Variants in KDM4B observed in about 807,000 individuals in gnomAD.
KDM4B encodes lysine-specific demethylase 4B.
In KDM4B, 32 loss-of-function variants were observed where a neutral mutation model predicts 125.2. The observed-to-expected ratio is 0.26, with a 90% CI of 0.19 to 0.34. KDM4B has a LOEUF of 0.34. KDM4B is among the 10% of genes least tolerant of loss of function. KDM4B has a pLI of 1.00. For missense variants in KDM4B, 1,190 were observed against 1,577.7 expected, an observed-to-expected ratio of 0.75 and a Z score of 4.16; for synonymous variants, 721 against 677.9, an observed-to-expected ratio of 1.06 and a Z score of -0.99.
chr19:4,982,613 TTC>T (rs1183672396), intron 1 of KDM4B, among the ~76,000 whole-genome samples: 1 of 148,204 alleles, frequency 6.7e-6, no homozygotes, highest in Non-Finnish European at 1.5e-5. Context: ...CTCTCTCTCT[TTC>T]TCTCTTTCTT....
intron 9 of KDM4B, among the ~76,000 whole-genome samples, chr19:5,108,484 G>C (rs536250734): frequency 2.8e-4 from 42 of 152,318 alleles, no homozygotes; most frequent in African/African-American, 1.0e-3. Flanking sequence ...ACTGGGTAAG[G>C]TGGGGGGAGG....
chr19:4,975,593 A>ATTTT lies in KDM4B; in HGVS notation c.-109+6377_-109+6380dup, dbSNP rs10674194. ...TGGACATTCCTTGTTGAGTGAATGA[A>ATTTT]TTTTTTTTTTTTTTTTTGAGACAGA... On this transcript the variant is annotated intron_variant, in intron 1 of 22. Coordinates refer to ENST00000159111, the MANE Select transcript of KDM4B (RefSeq NM_015015.3). Among the ~76,000 whole-genome samples the ATTTT allele has an allele frequency of 3.6e-3, 493 of 138,310 alleles. 6 individuals carry two copies. Among genetic ancestry groups the ATTTT allele is most frequent in the African/African-American group, 0.013 (477 of 37,102 alleles). The allele number at this position is 138,310 out of a possible 152,430, so 90.7% of individuals were successfully genotyped here.
At chr19:4,975,611 G>C (rs77921942) in intron 1 of KDM4B, among the ~76,000 whole-genome samples, 1 of 86,532 alleles carries the variant, frequency 1.2e-5, no homozygotes, top group African/African-American at 4.7e-5. Flanking sequence ...TTTTTTTTTT[G>C]AGACAGAGTT....
At position 5,137,493 on chromosome 19, in the gene KDM4B, C is replaced by T. The variant is rs368242735; in HGVS notation, c.2386-128C>T. 41 of 1,217,986 alleles carry T rather than the reference C, an allele frequency of 3.4e-5. No individual in the cohort carries two copies. In the African/African-American group the frequency reaches 5.1e-4, roughly 15 times the overall value. The allele number at this position is 1,217,986 out of a possible 1,614,324, so 75.4% of individuals were successfully genotyped here. ...TGGAACCCAAGGGATTCCCACCCGT[C>T]ACTTTGGTGGCTGCTAGGTTGAAAT... is the stretch of plus-strand genomic sequence containing the variant. On this transcript the variant is annotated intron_variant, in intron 16 of 22. Coordinates refer to ENST00000159111, the MANE Select transcript of KDM4B (RefSeq NM_015015.3).
At position 5,082,544 on chromosome 19, in the gene KDM4B, G is replaced by A; in HGVS notation, c.918+40G>A. 1.3e-6 allele frequency: 2 copies of A among 1,536,228 alleles called. No homozygotes were observed. Among genetic ancestry groups the A allele is most frequent in the Non-Finnish European group, 1.7e-6 (2 of 1,146,556 alleles). ...GCTGGGAACGGGTCCCAGCAGGGCG[G>A]GAGGAGGCTCTTTTTTGCCTCTGCA... On this transcript the variant is annotated intron_variant, in intron 9 of 22. Coordinates refer to ENST00000159111, the MANE Select transcript of KDM4B (RefSeq NM_015015.3). This position sits in a 1 kb window ranked among gnomAD's most constrained non-coding sequence, Gnocchi z 5.4.
chr19:5,014,497 G>A (rs1052871594), intron 1 of KDM4B, among the ~76,000 whole-genome samples: 4 of 151,976 alleles, frequency 2.6e-5, no homozygotes, highest in African/African-American at 4.8e-5. Flanking sequence ...AGGATGGTCC[G>A]ATCTCCTGAC....
intron 21 of KDM4B, among the ~76,000 whole-genome samples, chr19:5,146,604 C>A (rs1298752707): frequency 6.6e-6 from 1 of 152,150 alleles, no homozygotes; most frequent in Admixed American, 6.6e-5. Context: ...CCCTGCTCAG[C>A]TCACCTGGCA....
At chr19:5,071,812 G>A (rs1389308969) in intron 7 of KDM4B, among the ~76,000 whole-genome samples, 3 of 152,218 alleles carry the variant, frequency 2.0e-5, no homozygotes, top group Admixed American at 6.5e-5. Flanking sequence ...AGGGGTGCAA[G>A]TTTCATGACA....
chr19:4,980,768 C>T (rs992147926), intron 1 of KDM4B, among the ~76,000 whole-genome samples: 18 of 152,160 alleles, frequency 1.2e-4, no homozygotes, highest in Admixed American at 7.2e-4. Flanking sequence ...TTCCCCTGTG[C>T]GGGGGGTGTC....
At chr19:4,970,450 A>G (rs1459907427) in intron 1 of KDM4B, among the ~76,000 whole-genome samples, 1 of 152,116 alleles carries the variant, frequency 6.6e-6, no homozygotes, top group Non-Finnish European at 1.5e-5. Context: ...TTTGGGTCCC[A>G]CCGGGTGCCT....
At chr19:5,012,910 G>A (rs2035774822) in intron 1 of KDM4B, among the ~76,000 whole-genome samples, 1 of 152,252 alleles carries the variant, frequency 6.6e-6, no homozygotes, top group Non-Finnish European at 1.5e-5. Flanking sequence ...GGAATAGGGA[G>A]CTGCCTGGGC....
At position 5,151,371 on chromosome 19, in the gene KDM4B, T is replaced by G; in HGVS notation, c.3151T>G (p.Ser1051Ala). 1 of 1,586,474 alleles carries G rather than the reference T, an allele frequency of 6.3e-7. No homozygotes were observed. Among genetic ancestry groups the G allele is most frequent in the Non-Finnish European group, 8.6e-7 (1 of 1,168,366 alleles). Residue 1051 changes from serine (S) to alanine (A), a missense_variant, in exon 23 of 23, where the codon TCG becomes GCG. Around this residue, in one of 7 missense-constraint regions of KDM4B, gnomAD observed 109 missense variants for 93.8 expected, o/e 1.16. Coordinates refer to ENST00000159111, the MANE Select transcript of KDM4B (RefSeq NM_015015.3). ...STGAPQEPAF[S>A]GEEAKAAKRP... Reference sequence around the variant, plus strand: ...GGGGGCACCGCAGGAGCCCGCCTTCTCGGGGGAGGAGGCCAAGGCCGCCAA... The same window carrying G: ...GGGGGCACCGCAGGAGCCCGCCTTCGCGGGGGAGGAGGCCAAGGCCGCCAA...
intron 11 of KDM4B, among the ~76,000 whole-genome samples, chr19:5,122,506 C>T (rs1245971112): frequency 1.1e-4 from 16 of 152,218 alleles, no homozygotes; most frequent in Non-Finnish European, 1.3e-4. Context: ...AAACTGGAAA[C>T]ACAAAGCAGG....
At chr19:5,037,902 G>A (rs1377520525) in intron 3 of KDM4B, among the ~76,000 whole-genome samples, 1 of 152,274 alleles carries the variant, frequency 6.6e-6, no homozygotes, top group Non-Finnish European at 1.5e-5. Flanking sequence ...GGCCACGGAG[G>A]CAGCACCTTC....
chr19:5,071,217 C>T (rs1485251964), intron 7 of KDM4B, among the ~76,000 whole-genome samples, 158 bp downstream of exon 7: 1 of 152,186 alleles, frequency 6.6e-6, no homozygotes, highest in South Asian at 2.1e-4. Flanking sequence ...TGATTTTTTC[C>T]ATTTCCTCCC....
chr19:4,976,086 C>A (rs900709965), intron 1 of KDM4B, among the ~76,000 whole-genome samples: 16 of 151,386 alleles, frequency 1.1e-4, no homozygotes, highest in Non-Finnish European at 1.8e-4. Context: ...CCTGTCTCTA[C>A]TAAAAATACA....
At chr19:5,132,868 G>A (rs189019934) in intron 13 of KDM4B, among the ~76,000 whole-genome samples, 7 of 152,316 alleles carry the variant, frequency 4.6e-5, no homozygotes, top group South Asian at 2.1e-4. Context: ...CCTCGGGGCC[G>A]CTTAGGGCCT....
chr19:5,070,958 C>G (rs1307450489), intron 6 of KDM4B, 52 bp from the exon 7 acceptor site: 22 of 1,603,414 alleles, frequency 1.4e-5, no homozygotes, highest in Non-Finnish European at 5.1e-6. Context: ...GGGACACCCC[C>G]TTGCGTGGCT....
chr19:5,087,400 C>T (rs537555486), intron 9 of KDM4B, among the ~76,000 whole-genome samples: 3 of 152,310 alleles, frequency 2.0e-5, no homozygotes, highest in South Asian at 4.1e-4. Flanking sequence ...CCCTATGAAA[C>T]CTGGTGTCAT....
Sources: gnomAD v4.1 joint callset for allele counts (sites outside exome capture counted in the v4.1 genomes callset) on GRCh38, gnomAD v4.1.1 for gene constraint, gnomAD v4.1.1 regional missense constraint, Gnocchi (gnomAD v3.1) non-coding constraint, MANE v1.5 for transcripts, NCBI Gene and HGNC (gene_info 2026-07-23, HGNC 2026-07-21) for gene names.